DDX60: variants seen among roughly 807,000 people sequenced by gnomAD.
DDX60 encodes probable ATP-dependent RNA helicase DDX60.
Under a neutral mutation model 212.8 loss-of-function variants are expected in DDX60, and 165 were observed. The ratio of observed to expected loss-of-function variants is 0.78; its 90% CI spans 0.68 to 0.88. DDX60 has a LOEUF of 0.88. Ranked by LOEUF, DDX60 falls within the 40% of genes least tolerant of loss-of-function variation. The pLI is 0.00. For synonymous variants in DDX60, 703 were observed against 685.3 expected (o/e 1.03, Z -0.40); for missense variants, 1,905 against 2,003.9 (o/e 0.95, Z 0.94).
chr4:168,258,902 A>C (rs190087654), intron 25 of DDX60, among the ~76,000 whole-genome samples: 2 of 152,280 alleles, frequency 1.3e-5, no homozygotes. Context: ...CAAAGATGGG[A>C]ACTTGAAGAC....
At position 168,238,420 on chromosome 4, in the gene DDX60, GAGGGAAGGGAAGGGAAGGGAAGGGA is replaced by G. The variant is rs36223019; in HGVS notation, c.4165-650_4165-626del. Among the ~76,000 whole-genome samples the G allele has an allele frequency of 8.9e-4, 53 of 59,834 alleles. 1 individual carries two copies. Among genetic ancestry groups the G allele is most frequent in the East Asian group, 2.1e-3 (4 of 1,886 alleles). The allele number at this position is 59,834 out of a possible 152,430, so 39.3% of individuals were successfully genotyped here. ...AAAGGGAGGGGAGGGGAGGAGAGGG[GAGGGAAGGGAAGGGAAGGGAAGGGA>G]AGGGAAGGGAAGGGAAGGGAAGGGA... is the stretch of plus-strand genomic sequence containing the variant. On this transcript the variant is annotated intron_variant, in intron 30 of 37. Transcript: ENST00000393743.
chr4:168,311,389 A>G (rs941193013), intron 1 of DDX60, 24 bp from the exon 2 acceptor site: 1 of 923,024 alleles, frequency 1.1e-6, no homozygotes, highest in Admixed American at 2.5e-5. Flanking sequence ...AAAGAAAATG[A>G]GTCTTTATTC....
At chr4:168,252,980 T>A (rs1286968794) in intron 26 of DDX60, among the ~76,000 whole-genome samples, 3 of 152,072 alleles carry the variant, frequency 2.0e-5, no homozygotes, top group East Asian at 1.9e-4. Context: ...AAATTTTGTA[T>A]CTTCAGTAGA....
intron 25 of DDX60, among the ~76,000 whole-genome samples, chr4:168,257,047 G>A (rs575918890): frequency 2.6e-5 from 4 of 152,338 alleles, no homozygotes; most frequent in Non-Finnish European, 4.4e-5. Context: ...ACAGTTGGCC[G>A]GGCATGGTGG....
chr4:168,226,379 C>G (rs1209197791), intron 33 of DDX60, among the ~76,000 whole-genome samples: 1 of 152,000 alleles, frequency 6.6e-6, no homozygotes, highest in Non-Finnish European at 1.5e-5. Context: ...GTCCTCATAA[C>G]TGGAATTAGT....
In DDX60 at chr4:168,273,963, C is replaced by T. The variant is rs774878039; in HGVS notation, c.2425G>A (p.Gly809Arg). Residue 809 changes from glycine to arginine, a missense_variant, in exon 17 of 38, where the codon GGG (glycine) becomes AGG (arginine). Gly to Arg is a moderately radical substitution (Grantham distance 125, BLOSUM62 -2). Coordinates refer to ENST00000393743, the MANE Select transcript of DDX60 (RefSeq NM_017631.6). ...GTGGGTGCAACGTACACGACCACCC[C>T]GTCGTCGCTCTCCTTCAGCACTTTC... ...MEKVLKESDDGVVVYVAPTKA... is the reference protein window; with the variant it reads ...MEKVLKESDDRVVVYVAPTKA... The T allele has an allele frequency of 5.0e-6, 8 of 1,613,996 alleles. No individual in the cohort carries two copies. Among genetic ancestry groups the T allele is most frequent in the South Asian group, 4.4e-5 (4 of 91,086 alleles).
chr4:168,221,585 T>TA (rs1191068943), intron 36 of DDX60, 145 bp downstream of exon 36: 102 of 835,116 alleles, frequency 1.2e-4, no homozygotes, highest in East Asian at 2.3e-4. Context: ...CATTAGTCTC[T>TA]AAAAAAAATC....
intron 6 of DDX60, among the ~76,000 whole-genome samples, chr4:168,295,948 T>A (rs1008029597): frequency 6.6e-6 from 1 of 152,166 alleles, no homozygotes; most frequent in Admixed American, 6.5e-5. Flanking sequence ...ATGTAGAATC[T>A]AACGAAGTTG....
At chr4:168,250,063 T>G (rs1442012430) in intron 28 of DDX60, among the ~76,000 whole-genome samples, 1 of 152,214 alleles carries the variant, frequency 6.6e-6, no homozygotes, top group Non-Finnish European at 1.5e-5. Flanking sequence ...CATGAATTTA[T>G]CCAGAAAATC....
At chr4:168,281,386 A>G (rs902911382) in intron 13 of DDX60, among the ~76,000 whole-genome samples, 5 of 152,194 alleles carry the variant, frequency 3.3e-5, no homozygotes. Context: ...TGAAGCACTC[A>G]TTAACATAAA....
At chr4:168,299,224 A>G (rs1209183710) in intron 6 of DDX60, among the ~76,000 whole-genome samples, 2 of 151,122 alleles carry the variant, frequency 1.3e-5, no homozygotes, top group African/African-American at 4.9e-5. Context: ...AAACATTTCT[A>G]TTCGGTCAAA....
chr4:168,236,482 A>G (rs1227213492), intron 32 of DDX60, 109 bp from the exon 33 acceptor site: 8 of 958,240 alleles, frequency 8.3e-6, no homozygotes. Flanking sequence ...CTAAAAATTT[A>G]TGACAAACAT....
rs543146936 is a variant in DDX60, at chr4:168,293,894, T to C, written c.775A>G (p.Ile259Val). ...GAAGTAACACAAAAGACACGCCGAA[T>C]GTCAGATCCTTCTGGCCAGACTTGT... is the stretch of plus-strand genomic sequence containing the variant. ...LTQVWPEGSD[I>V]RRVFCVTSCS... Residue 259 changes from isoleucine (I) to valine (V), a missense_variant, in exon 7 of 38, where the codon ATT becomes GTT. Coordinates refer to ENST00000393743, the MANE Select transcript of DDX60 (RefSeq NM_017631.6). 4 of 1,614,122 alleles carry C rather than the reference T, an allele frequency of 2.5e-6. No individual in the cohort carries two copies. The highest frequency in any genetic ancestry group is 1.3e-5 in the African/African-American group (1 of 75,054).
At chr4:168,290,154 G>T (rs1228177284) in intron 8 of DDX60, among the ~76,000 whole-genome samples, 1 of 152,018 alleles carries the variant, frequency 6.6e-6, no homozygotes, top group Non-Finnish European at 1.5e-5. Flanking sequence ...TGCTACCCCT[G>T]CTGTGATAGA....
rs545297454 is a variant in DDX60 at position 168,262,415 on chromosome 4, T to C, written c.3144+268A>G. 2.3e-4 allele frequency among the ~76,000 whole-genome samples: 35 copies of C among 151,488 alleles called. No homozygotes were observed. The South Asian group carries it at 5.2e-3, about 22-fold the overall frequency. ...ATATGAATCTAAGGTGTAAGAAGACTGAAATATAATAGTGTTCTAGAAGTT... is the reference window on the plus strand; with the variant it reads ...ATATGAATCTAAGGTGTAAGAAGACCGAAATATAATAGTGTTCTAGAAGTT... On this transcript the variant is annotated intron_variant, in intron 23 of 37. Transcript: ENST00000393743.
rs76994584 is a variant in DDX60, at chr4:168,281,621, G to A, written c.1723-1031C>T. Among the ~76,000 whole-genome samples, 1,505 of 152,260 alleles carry A rather than the reference G, an allele frequency of 9.9e-3. 12 individuals carry two copies. Among genetic ancestry groups the A allele is most frequent in the South Asian group, 0.018 (89 of 4,828 alleles). On this transcript the variant is annotated intron_variant, in intron 13 of 37. Coordinates refer to ENST00000393743, the MANE Select transcript of DDX60 (RefSeq NM_017631.6). ...CTTCCAATTAACTTAAACATAGTATGGACCCACTTTTACTATGCTTTTACC... is the reference window on the plus strand; with the variant it reads ...CTTCCAATTAACTTAAACATAGTATAGACCCACTTTTACTATGCTTTTACC...
intron 25 of DDX60, among the ~76,000 whole-genome samples, chr4:168,257,947 A>G (rs1181918396): frequency 6.6e-6 from 1 of 152,192 alleles, no homozygotes; most frequent in Admixed American, 6.5e-5. Flanking sequence ...ATCGGTGGAG[A>G]TGCCATTACT....
chr4:168,275,402 T>G lies in DDX60; in HGVS notation c.2247A>C (p.Arg749=). 1 of 1,613,196 alleles carries G rather than the reference T, an allele frequency of 6.2e-7. No individual in the cohort carries two copies. Among genetic ancestry groups the G allele is most frequent in the Non-Finnish European group, 8.5e-7 (1 of 1,179,560 alleles). Residue 749 remains arginine (R), a synonymous_variant, in exon 16 of 38, where the codon CGA becomes CGC. Coordinates refer to ENST00000393743, the MANE Select transcript of DDX60 (RefSeq NM_017631.6). ...TGGGATCTGGGTCTTTTCTCTCATC[T>G]CGTATCAAATAATGGCCCATGTATT... ...QLQYMGHYLI[R]DERKDPDPRV...
At position 168,308,121 on chromosome 4, in the gene DDX60, C is replaced by G; in HGVS notation, c.149G>C (p.Cys50Ser). Residue 50 changes from cysteine to serine, a missense_variant, in exon 4 of 38, where the codon TGT becomes TCT. Physicochemically the swap from Cys to Ser is moderately radical, Grantham distance 112. Coordinates refer to ENST00000393743, the MANE Select transcript of DDX60 (RefSeq NM_017631.6). ...LIDGDSLLIT[C>S]ICEISFKPGQ... ...AGGCTTAAATGATATCTCACAGATA[C>G]ATGTGATAAGTAATGAATCCCCATC... 1.2e-6 allele frequency: 2 copies of G among 1,606,640 alleles called. No homozygotes were observed. Among genetic ancestry groups the G allele is most frequent in the East Asian group, 2.2e-5 (1 of 44,684 alleles).
Sources: gnomAD v4.1 joint callset for allele counts (sites outside exome capture counted in the v4.1 genomes callset) on GRCh38, gnomAD v4.1.1 for gene constraint, MANE v1.5 for transcripts, NCBI Gene and HGNC (gene_info 2026-07-23, HGNC 2026-07-21) for gene names.